Variants in AHRR observed in about 807,000 individuals in gnomAD.
The protein encoded by AHRR is ahR repressor.
A neutral mutation model predicts 44.0 loss-of-function variants in AHRR; 28 were observed. The observed-to-expected ratio is 0.64, with a 90% CI of 0.47 to 0.87. The LOEUF is 0.87. AHRR is among the 40% of genes least tolerant of loss of function. AHRR has a pLI of 0.00. For missense variants in AHRR, 990 were observed against 953.9 expected (o/e 1.04, Z -0.50); for synonymous variants, 434 against 407.0 (o/e 1.07, Z -0.80).
At chr5:425,714 A>C (rs1172951713) in intron 7 of AHRR, among the ~76,000 whole-genome samples, 1 of 152,254 alleles carries the variant, frequency 6.6e-6, no homozygotes, top group Non-Finnish European at 1.5e-5. Context: ...TCAAACAAAG[A>C]ACTGAATGGA....
intron 5 of AHRR, among the ~76,000 whole-genome samples, chr5:421,642 T>TCTCTGTTCCTCTGTTC (rs1420565577): frequency 6.6e-6 from 1 of 152,066 alleles, no homozygotes; most frequent in Non-Finnish European, 1.5e-5. Context: ...CCTCGAGGGG[T>TCTCTGTTCCTCTGTTC]CTCTGTTCCT....
intron 4 of AHRR, among the ~76,000 whole-genome samples, chr5:390,506 C>G (rs73730803): frequency 0.01 from 1,553 of 152,156 alleles, 21 homozygotes; most frequent in African/African-American, 0.036. Flanking sequence ...AAAGCCCTAA[C>G]GATCCCGGAG....
rs1319962827 is a variant in AHRR, at chr5:434,697, C to A, written c.1957C>A (p.Pro653Thr). 3 of 1,573,264 alleles carry A rather than the reference C, an allele frequency of 1.9e-6. No homozygotes were observed. Among genetic ancestry groups the A allele is most frequent in the Non-Finnish European group, 2.6e-6 (3 of 1,159,320 alleles). ...SCTCRAAEAAPVVKREPLDSP... is the reference protein window; with the variant it reads ...SCTCRAAEAATVVKREPLDSP... Reference sequence around the variant, plus strand: ...CACCTGCAGAGCTGCTGAGGCCGCCCCTGTGGTCAAGCGGGAGCCCTTGGA... The same window carrying A: ...CACCTGCAGAGCTGCTGAGGCCGCCACTGTGGTCAAGCGGGAGCCCTTGGA... Residue 653 changes from proline to threonine, a missense_variant, in exon 11 of 11, where the codon CCT becomes ACT. Coordinates refer to ENST00000684583, the MANE Select transcript of AHRR (RefSeq NM_001377236.1).
chr5:400,865 C>A (rs1329021208), intron 4 of AHRR, among the ~76,000 whole-genome samples: 2 of 152,182 alleles, frequency 1.3e-5, no homozygotes, highest in Non-Finnish European at 2.9e-5. Context: ...GGTCTTTGAA[C>A]TATTATTAGT....
chr5:412,426 C>T (rs947326848), intron 4 of AHRR, among the ~76,000 whole-genome samples: 1 of 152,140 alleles, frequency 6.6e-6, no homozygotes. Context: ...TCTTAAGCAG[C>T]TCCAGAAAAT....
intron 1 of AHRR, among the ~76,000 whole-genome samples, chr5:332,929 CTTTTTTTTT>C (rs57937804): frequency 3.0e-5 from 4 of 132,082 alleles, no homozygotes; most frequent in African/African-American, 9.1e-5. Context: ...TGACCTTTGT[CTTTTTTTTT>C]TTTTTTTTTT....
At chr5:376,551 A>AATGAGAACCGTGGGG in intron 3 of AHRR, 59 bp from the exon 4 acceptor site, 2 of 1,401,306 alleles carry the variant, frequency 1.4e-6, no homozygotes, top group South Asian at 1.4e-5. Context: ...GATGTGAATG[A>AATGAGAACCGTGGGG]AGAAGAGTGG....
rs149542708 is a variant in AHRR, at chr5:424,786, C to A, written c.708+809C>A. Reference sequence around the variant, plus strand: ...CACCCTCTTCTCTTGCAAACAGATACTTGGGGTTTTCACTTCTGCTATTTG... The same window carrying A: ...CACCCTCTTCTCTTGCAAACAGATAATTGGGGTTTTCACTTCTGCTATTTG... On this transcript the variant is annotated intron_variant, in intron 7 of 10. Transcript: ENST00000684583. Among the ~76,000 whole-genome samples the A allele has an allele frequency of 3.6e-4, 55 of 152,268 alleles. 1 individual carries two copies. The East Asian group carries it at 6.2e-3, about 17-fold the overall frequency.
At chr5:409,758 ATTTT>A (rs1308701505) in intron 4 of AHRR, among the ~76,000 whole-genome samples, 19 of 150,852 alleles carry the variant, frequency 1.3e-4, no homozygotes, top group African/African-American at 4.6e-4. Context: ...TTATCTCTTC[ATTTT>A]TTACTGGCAT....
chr5:418,049 T>A (rs979482009), intron 5 of AHRR, among the ~76,000 whole-genome samples: 26 of 152,224 alleles, frequency 1.7e-4, no homozygotes, highest in African/African-American at 5.5e-4. Flanking sequence ...AGCTCGTCGA[T>A]CAGAGCAGTT....
At chr5:397,286 C>T (rs1442425647) in intron 4 of AHRR, among the ~76,000 whole-genome samples, 2 of 102,846 alleles carry the variant, frequency 1.9e-5, no homozygotes, top group Non-Finnish European at 4.0e-5. Flanking sequence ...CATGTTAGCC[C>T]CTGACCATGT....
chr5:392,698 C>G (rs1247039174), intron 4 of AHRR, among the ~76,000 whole-genome samples: 1 of 152,158 alleles, frequency 6.6e-6, no homozygotes. Flanking sequence ...GTTTTAGGGA[C>G]AACGGCTGAG....
chr5:433,790 C>T (rs1283529324), intron 10 of AHRR, 63 bp from the exon 11 acceptor site: 7 of 1,429,430 alleles, frequency 4.9e-6, no homozygotes, highest in African/African-American at 1.5e-5. Context: ...GAGACCCCCA[C>T]CCAGGGCAGC....
intron 1 of AHRR, among the ~76,000 whole-genome samples, chr5:328,397 A>C (rs1324093514): frequency 6.7e-6 from 1 of 148,510 alleles, no homozygotes; most frequent in East Asian, 2.1e-4. Context: ...CCTCAGAGGC[A>C]CCCATCACCA....
At chr5:421,286 A>G in intron 5 of AHRR, 1 of 698,548 alleles carries the variant, frequency 1.4e-6, no homozygotes, top group East Asian at 2.7e-5. Flanking sequence ...GGAACGGGCG[A>G]GGCTGTTGCG....
rs751520225 is a variant in AHRR at position 406,298 on chromosome 5, C to T, written c.352-7046C>T. On this transcript the variant is annotated intron_variant, in intron 4 of 10. Transcript: ENST00000684583. The surrounding 1 kb of genome is among the most constrained non-coding windows in gnomAD (Gnocchi z 4.7). ...ATTTCTTGCAGGAACATGGAGGGAC[C>T]GGAACATGGAGGGACCAGTCCAGAA... is the stretch of plus-strand genomic sequence containing the variant. Among the ~76,000 whole-genome samples, 1 of 152,080 alleles carries T rather than the reference C, an allele frequency of 6.6e-6. No homozygotes were observed. The highest frequency in any genetic ancestry group is 1.5e-5 in the Non-Finnish European group (1 of 68,008).
chr5:376,642 G>GC lies in AHRR; in HGVS notation c.279dup (p.Gly94ArgfsTer27). On this transcript the variant is annotated frameshift_variant, in exon 4 of 11. Transcript: ENST00000684583. ...GGAGCAGAGCTCACGGCAGCCTGCG[G>GC]CCGGCGCCCCCTCGCCCGGAGACAG... is the stretch of plus-strand genomic sequence containing the variant. 1.5e-6 allele frequency: 2 copies of GC among 1,376,400 alleles called. No individual in the cohort carries two copies. The highest frequency in any genetic ancestry group is 1.9e-6 in the Non-Finnish European group (2 of 1,047,272). The allele number at this position is 1,376,400 out of a possible 1,614,324, so 85.3% of individuals were successfully genotyped here.
At position 395,648 on chromosome 5, in the gene AHRR, G is replaced by A. The variant is rs187647617; in HGVS notation, c.352-17696G>A. Among the ~76,000 whole-genome samples, 3 of 152,242 alleles carry A rather than the reference G, an allele frequency of 2.0e-5. No individual in the cohort carries two copies. The highest frequency in any genetic ancestry group is 2.9e-5 in the Non-Finnish European group (2 of 68,040). ...GCTCGGCAGACGGTCATCGGGCCGCGCTGCTGCTCTGGTGTGGTTTCTGGA... is the reference window on the plus strand; with the variant it reads ...GCTCGGCAGACGGTCATCGGGCCGCACTGCTGCTCTGGTGTGGTTTCTGGA... On this transcript the variant is annotated intron_variant, in intron 4 of 10. Transcript: ENST00000684583. The surrounding 1 kb of genome is among the most constrained non-coding windows in gnomAD (Gnocchi z 5.3).
chr5:376,838 G>A lies in AHRR; in HGVS notation c.351+122G>A. ...CCCTCACCCAGGAGGCCCTTAGGTT[G>A]TGAGGTTTATAACTGTCAGGAAGCG... On this transcript the variant is annotated intron_variant, in intron 4 of 10. Coordinates refer to ENST00000684583, the MANE Select transcript of AHRR (RefSeq NM_001377236.1). 4 of 857,090 alleles carry A rather than the reference G, an allele frequency of 4.7e-6. No individual in the cohort carries two copies. In the South Asian group the frequency reaches 6.3e-5, roughly 13 times the overall value. 53.1% of individuals were successfully genotyped at this position (857,090 alleles called of 1,614,324 possible).
Sources: allele counts gnomAD v4.1 joint callset (sites outside exome capture counted in the v4.1 genomes callset), GRCh38; gene constraint gnomAD v4.1.1; non-coding constraint Gnocchi (gnomAD v3.1); transcripts MANE v1.5; gene names NCBI Gene and HGNC (gene_info 2026-07-23, HGNC 2026-07-21).